The following NAPEPLD variants were observed in gnomAD, a reference collection of about 807,000 sequenced individuals.
The protein encoded by NAPEPLD is N-acyl-phosphatidylethanolamine-hydrolyzing phospholipase D.
Under a neutral mutation model 38.1 loss-of-function variants are expected in NAPEPLD, and 23 were observed. The observed-to-expected ratio is 0.60, with a 90% CI of 0.43 to 0.86. NAPEPLD has a LOEUF of 0.86. NAPEPLD is among the 40% of genes least tolerant of loss of function. The pLI, the probability that NAPEPLD is intolerant of heterozygous loss-of-function variation, is 0.00. For missense variants in NAPEPLD, 411 were observed against 476.8 expected, an observed-to-expected ratio of 0.86 and a Z score of 1.28; for synonymous variants, 147 against 162.0, an observed-to-expected ratio of 0.91 and a Z score of 0.71.
intron 3 of NAPEPLD, among the ~76,000 whole-genome samples, chr7:103,118,366 C>G (rs1805970685): frequency 6.6e-6 from 1 of 152,100 alleles, no homozygotes. Flanking sequence ...GATTTGTAAT[C>G]ATTTTAATAA....
chr7:103,110,337 T>A (rs1804264977), intron 4 of NAPEPLD, among the ~76,000 whole-genome samples: 1 of 152,148 alleles, frequency 6.6e-6, no homozygotes, highest in Non-Finnish European at 1.5e-5. Context: ...GCGAAAATCC[T>A]CAATAATGGC....
In NAPEPLD at chr7:103,128,821, A is replaced by T. The variant is rs369962116; in HGVS notation, c.-16-29T>A. 3.8e-6 allele frequency: 6 copies of T among 1,575,670 alleles called. No homozygotes were observed. In the African/African-American group the frequency reaches 8.2e-5, roughly 22 times the overall value. ...AAAAAAACAAGGGGGAAAAATACTG[A>T]GTTGAACATAAAGGCATTCAAACAT... On this transcript the variant is annotated intron_variant, in intron 1 of 4. Coordinates refer to ENST00000465647, the MANE Select transcript of NAPEPLD (RefSeq NM_001122838.3).
chr7:103,145,383 A>C (rs1230136768), intron 1 of NAPEPLD, among the ~76,000 whole-genome samples: 1 of 152,222 alleles, frequency 6.6e-6, no homozygotes, highest in Non-Finnish European at 1.5e-5. Context: ...ATGTACATTT[A>C]TATACAATCG....
Position 103,148,812 on chromosome 7 carries a change from T to C in NAPEPLD, c.-18A>G, listed in dbSNP as rs1345289931. 4 of 985,110 alleles carry C rather than the reference T, an allele frequency of 4.1e-6. No homozygotes were observed. The highest frequency in any genetic ancestry group is 4.7e-5 in the South Asian group (1 of 21,286). The allele number at this position is 985,110 out of a possible 1,614,324, so 61.0% of individuals were successfully genotyped here. ...ACAACCAAAAGAAGATAAACCCACA[T>C]GTATTCCTATCAGTGAAGATGCAAC... On this transcript the variant is annotated splice_region_variant and 5_prime_UTR_variant, in exon 1 of 5. Transcript: ENST00000465647.
rs1806406750 is a variant in NAPEPLD, at chr7:103,120,349, A to C, written c.295-126T>G. ...TTTAAGAGAACTAAAGTCATTCAAT[A>C]AACTTGCTACACTTTTGCTTTTTTC... On this transcript the variant is annotated intron_variant, in intron 2 of 4. Transcript: ENST00000465647. 3.0e-6 allele frequency: 3 copies of C among 1,002,140 alleles called. No homozygotes were observed. In the East Asian group the frequency reaches 7.6e-5, roughly 26 times the overall value. 62.1% of individuals were successfully genotyped at this position (1,002,140 alleles called of 1,614,324 possible). A position where few individuals can be genotyped will look rare whatever the true frequency, so the allele number is the denominator to read the frequency against.
At chr7:103,141,963 G>A in intron 1 of NAPEPLD, 4 of 785,142 alleles carry the variant, frequency 5.1e-6, no homozygotes, top group Non-Finnish European at 9.0e-6. Context: ...GCAGCGAAAG[G>A]AAAGAGCTCC....
chr7:103,121,251 T>C (rs1238142957), intron 2 of NAPEPLD, among the ~76,000 whole-genome samples: 1 of 152,220 alleles, frequency 6.6e-6, no homozygotes, highest in Non-Finnish European at 1.5e-5. Flanking sequence ...TTGGTTATTC[T>C]ACATTTTATA....
chr7:103,119,174 C>T (rs906105108), intron 3 of NAPEPLD, among the ~76,000 whole-genome samples: 1 of 152,096 alleles, frequency 6.6e-6, no homozygotes, highest in African/African-American at 2.4e-5. Flanking sequence ...TTCTTTAAAC[C>T]TTGATCCCTT....
chr7:103,147,513 G>A (rs1812804407), intron 1 of NAPEPLD, among the ~76,000 whole-genome samples: 1 of 152,060 alleles, frequency 6.6e-6, no homozygotes, highest in South Asian at 2.1e-4. Context: ...AAAATTAAAG[G>A]CAAATACTGC....
upstream of NAPEPLD, chr7:103,149,550 T>G: frequency 1.7e-6 from 2 of 1,208,374 alleles, no homozygotes; most frequent in Non-Finnish European, 1.1e-6. Flanking sequence ...GGGCCAGCGG[T>G]GGCCTCCTTC....
chr7:103,143,604 T>A (rs1811934372), intron 1 of NAPEPLD, among the ~76,000 whole-genome samples: 1 of 152,162 alleles, frequency 6.6e-6, no homozygotes, highest in African/African-American at 2.4e-5. Context: ...TCTGGCTACC[T>A]GGAGCCATCT....
intron 1 of NAPEPLD, among the ~76,000 whole-genome samples, chr7:103,130,001 C>A (rs1387010239): frequency 6.6e-6 from 1 of 152,156 alleles, no homozygotes; most frequent in East Asian, 1.9e-4. Context: ...TCCAGATACA[C>A]AAAAGTGATA....
intron 1 of NAPEPLD, among the ~76,000 whole-genome samples, chr7:103,130,490 T>C (rs947279131): frequency 6.6e-6 from 1 of 152,244 alleles, no homozygotes; most frequent in African/African-American, 2.4e-5. Flanking sequence ...CTGTGGAGGT[T>C]TCTCTCAAAG....
At chr7:103,103,647 T>C in intron 4 of NAPEPLD, 93 bp from the exon 5 acceptor site, 1 of 1,326,402 alleles carries the variant, frequency 7.5e-7, no homozygotes, top group Non-Finnish European at 1.0e-6. Context: ...AACCAACAGA[T>C]GCCTAGTTAG....
chr7:103,148,718 G>A, intron 1 of NAPEPLD, 93 bp downstream of exon 1: 2 of 723,454 alleles, frequency 2.8e-6, no homozygotes, highest in Non-Finnish European at 3.4e-6. Flanking sequence ...TGGATTTTTA[G>A]AAGATAAACA....
chr7:103,114,473 C>A (rs946769612), intron 4 of NAPEPLD, among the ~76,000 whole-genome samples: 1 of 152,198 alleles, frequency 6.6e-6, no homozygotes, highest in Admixed American at 6.5e-5. Context: ...GCCCTCCACT[C>A]TCCTGCTGAA....
At chr7:103,104,972 T>C (rs1427149551) in intron 4 of NAPEPLD, among the ~76,000 whole-genome samples, 2 of 152,166 alleles carry the variant, frequency 1.3e-5, no homozygotes, top group Non-Finnish European at 2.9e-5. Context: ...GCTATAACTT[T>C]AGTGTGGAGG....
At chr7:103,107,749 T>A (rs1803673576) in intron 4 of NAPEPLD, among the ~76,000 whole-genome samples, 2 of 52,628 alleles carry the variant, frequency 3.8e-5, no homozygotes, top group Non-Finnish European at 7.2e-5. Flanking sequence ...TATGTGACTA[T>A]GTGAAAAGAC....
At chr7:103,141,000 GAGTA>G (rs1811185567) in intron 1 of NAPEPLD, among the ~76,000 whole-genome samples, 1 of 152,020 alleles carries the variant, frequency 6.6e-6, no homozygotes, top group Admixed American at 6.6e-5. Context: ...CATAAATCAC[GAGTA>G]AATAAGTTTC....
Sources: allele counts gnomAD v4.1 joint callset (sites outside exome capture counted in the v4.1 genomes callset), GRCh38; gene constraint gnomAD v4.1.1; transcripts MANE v1.5; gene names NCBI Gene and HGNC (gene_info 2026-07-23, HGNC 2026-07-21).